The following PACRG variants were observed in gnomAD, a reference collection of about 807,000 sequenced individuals.
PACRG encodes the protein parkin coregulated gene protein.
In PACRG, 29 loss-of-function variants were observed where a neutral mutation model predicts 29.7. That is an observed-to-expected ratio of 0.98 (90% CI 0.73 to 1.33). The LOEUF (loss-of-function observed/expected upper bound fraction) is 1.33, where lower values mean the gene tolerates loss of function less well. Ranked by LOEUF, PACRG falls within the 40% of genes most tolerant of loss-of-function variation. The probability of loss-of-function intolerance (pLI) is 0.00; values close to 1 mark genes in which losing one functional copy is unlikely to be tolerated. For missense variants in PACRG, 279 were observed against 316.2 expected, an observed-to-expected ratio of 0.88 and a Z score of 0.89; for synonymous variants, 116 against 118.7, an observed-to-expected ratio of 0.98 and a Z score of 0.15.
At chr6:163,110,013 G>A (rs1243458580) in intron 4 of PACRG, among the ~76,000 whole-genome samples, 1 of 152,126 alleles carries the variant, frequency 6.6e-6, no homozygotes, top group Non-Finnish European at 1.5e-5. Context: ...CTAGAGCTTG[G>A]CCACTGAGAT....
At chr6:162,755,369 G>A (rs988912502) in intron 1 of PACRG, among the ~76,000 whole-genome samples, 1 of 151,772 alleles carries the variant, frequency 6.6e-6, no homozygotes, top group African/African-American at 2.4e-5. Context: ...AGCTCCTTGA[G>A]GTATGACATT....
chr6:163,127,162 G>T (rs1389397586), intron 4 of PACRG, among the ~76,000 whole-genome samples: 1 of 152,184 alleles, frequency 6.6e-6, no homozygotes, highest in Non-Finnish European at 1.5e-5. Context: ...TTTAACAAAA[G>T]TGGCGTCATT....
At chr6:162,899,548 G>C (rs1369113372) in intron 2 of PACRG, among the ~76,000 whole-genome samples, 1 of 152,150 alleles carries the variant, frequency 6.6e-6, no homozygotes, top group Admixed American at 6.5e-5. Flanking sequence ...GGAAGCACCG[G>C]GCAGGAAGCT....
chr6:162,868,653 G>A (rs1792524318), intron 2 of PACRG, among the ~76,000 whole-genome samples: 1 of 152,198 alleles, frequency 6.6e-6, no homozygotes, highest in African/African-American at 2.4e-5. Context: ...CGAGCCGCCA[G>A]AGCACAGCCT....
intron 4 of PACRG, among the ~76,000 whole-genome samples, chr6:163,205,939 A>G (rs970531929): frequency 2.0e-5 from 3 of 152,138 alleles, no homozygotes; most frequent in African/African-American, 7.2e-5. Context: ...GACACAAATG[A>G]CCAACAAGCA....
Position 162,728,121 on chromosome 6 carries a change from A to C in PACRG, c.-115A>C. Reference sequence around the variant, plus strand: ...CAACCTGGGCACTACGAGGGGTTGAATTTCTACCATTATCGCGCCTTTTGA... The same window carrying C: ...CAACCTGGGCACTACGAGGGGTTGACTTTCTACCATTATCGCGCCTTTTGA... On this transcript the variant is annotated 5_prime_UTR_variant, in exon 1 of 5. Coordinates refer to ENST00000366888, the MANE Select transcript of PACRG (RefSeq NM_001080379.2). 2.3e-6 allele frequency: 3 copies of C among 1,279,594 alleles called. No individual in the cohort carries two copies. Among genetic ancestry groups the C allele is most frequent in the Non-Finnish European group, 3.3e-6 (3 of 921,478 alleles). 79.3% of individuals were successfully genotyped at this position (1,279,594 alleles called of 1,614,324 possible).
chr6:162,842,082 G>T (rs1478104561), intron 2 of PACRG, among the ~76,000 whole-genome samples: 1 of 149,682 alleles, frequency 6.7e-6, no homozygotes, highest in South Asian at 2.2e-4. Context: ...GTTGATTTGG[G>T]GTGGAGAGTT....
chr6:162,823,637 G>C (rs1400921252), intron 2 of PACRG, among the ~76,000 whole-genome samples: 1 of 151,026 alleles, frequency 6.6e-6, no homozygotes, highest in Non-Finnish European at 1.5e-5. Flanking sequence ...TCAGCCTCCC[G>C]AGTAGCTGGG....
At chr6:163,286,838 A>G (rs934730864) in intron 4 of PACRG, among the ~76,000 whole-genome samples, 1 of 152,180 alleles carries the variant, frequency 6.6e-6, no homozygotes, top group Non-Finnish European at 1.5e-5. Context: ...GTGTGTATGT[A>G]TATGCATATG....
chr6:163,166,101 C>G (rs1227723498), intron 4 of PACRG: 2 of 456,274 alleles, frequency 4.4e-6, no homozygotes, highest in Admixed American at 2.3e-5. Flanking sequence ...GCTCCAATTC[C>G]TCGGCTGCAG....
intron 4 of PACRG, among the ~76,000 whole-genome samples, chr6:163,199,732 T>C (rs1014155565): frequency 6.6e-6 from 1 of 152,218 alleles, no homozygotes; most frequent in African/African-American, 2.4e-5. Flanking sequence ...CTGTCTTCCT[T>C]TGAACTCCTC....
intron 4 of PACRG, among the ~76,000 whole-genome samples, chr6:163,128,010 A>G (rs1431835573): frequency 1.3e-5 from 2 of 152,108 alleles, no homozygotes; most frequent in East Asian, 1.9e-4. Context: ...GTGGTTTATT[A>G]TTTTTCAAAC....
intron 4 of PACRG, among the ~76,000 whole-genome samples, chr6:163,092,756 G>A (rs943702400): frequency 3.9e-5 from 6 of 152,030 alleles, no homozygotes; most frequent in African/African-American, 1.4e-4. Context: ...CCATGACCGG[G>A]TATTAATGAG....
At chr6:162,937,054 A>G (rs1266107401) in intron 2 of PACRG, among the ~76,000 whole-genome samples, 4 of 152,216 alleles carry the variant, frequency 2.6e-5, no homozygotes, top group Non-Finnish European at 5.9e-5. Flanking sequence ...CCAGAGTAGA[A>G]AAGGAATAAG....
chr6:163,067,514 C>T (rs1811661581), intron 3 of PACRG, among the ~76,000 whole-genome samples: 1 of 152,116 alleles, frequency 6.6e-6, no homozygotes, highest in African/African-American at 2.4e-5. Flanking sequence ...AGATAGTATG[C>T]ATATGAGGTA....
chr6:162,816,415 C>T (rs962672551), intron 2 of PACRG, among the ~76,000 whole-genome samples: 6 of 152,110 alleles, frequency 3.9e-5, no homozygotes, highest in African/African-American at 7.2e-5. Context: ...CGCAGTGACA[C>T]GATCTTGGCT....
chr6:163,076,417 C>G (rs1292878211), intron 3 of PACRG, among the ~76,000 whole-genome samples: 2 of 152,196 alleles, frequency 1.3e-5, no homozygotes, highest in African/African-American at 4.8e-5. Flanking sequence ...CCAGAACTCT[C>G]TCTCCAAGTC....
At chr6:162,982,909 G>T (rs531758874) in intron 2 of PACRG, among the ~76,000 whole-genome samples, 1 of 152,100 alleles carries the variant, frequency 6.6e-6, no homozygotes, top group East Asian at 1.9e-4. Flanking sequence ...GAGTATTGAA[G>T]TCTCCTACTA....
chr6:163,104,445 T>G (rs1815271293), intron 4 of PACRG, among the ~76,000 whole-genome samples: 1 of 152,148 alleles, frequency 6.6e-6, no homozygotes, highest in Non-Finnish European at 1.5e-5. Context: ...AATTTATTTT[T>G]AAAAAGAAGT....
Sources: allele counts gnomAD v4.1 joint callset (sites outside exome capture counted in the v4.1 genomes callset), GRCh38; gene constraint gnomAD v4.1.1; transcripts MANE v1.5; gene names NCBI Gene and HGNC (gene_info 2026-07-23, HGNC 2026-07-21).